The following SLC13A3 variants were observed in gnomAD, a reference collection of about 807,000 sequenced individuals.
SLC13A3 encodes solute carrier family 13 member 3, also known as Na(+)/dicarboxylate cotransporter 3.
Under a neutral mutation model 59.0 loss-of-function variants are expected in SLC13A3, and 40 were observed. That is an observed-to-expected ratio of 0.68 (90% CI 0.53 to 0.88). The LOEUF (loss-of-function observed/expected upper bound fraction) is 0.88. Among genes scored for constraint, SLC13A3 ranks in the 40% least tolerant of loss-of-function variants. The probability of loss-of-function intolerance (pLI) is 0.00; values close to 1 mark genes in which losing one functional copy is unlikely to be tolerated. For synonymous variants in SLC13A3, 317 were observed against 330.3 expected, an observed-to-expected ratio of 0.96 and a Z score of 0.44; for missense variants, 699 against 783.2, an observed-to-expected ratio of 0.89 and a Z score of 1.28.
intron 8 of SLC13A3, among the ~76,000 whole-genome samples, chr20:46,586,628 C>T (rs1219861253): frequency 2.6e-5 from 4 of 152,140 alleles, no homozygotes; most frequent in East Asian, 1.9e-4. Flanking sequence ...ATAAGCCATT[C>T]CCAGCCCCCT....
intron 3 of SLC13A3, among the ~76,000 whole-genome samples, chr20:46,606,532 G>A (rs1466942586): frequency 6.6e-6 from 1 of 152,188 alleles, no homozygotes; most frequent in African/African-American, 2.4e-5. Flanking sequence ...AGGGGAAAGA[G>A]TTTAGATTCA....
In SLC13A3 at chr20:46,592,853, G is replaced by A. The variant is rs150574840; in HGVS notation, c.795-324C>T. Among the ~76,000 whole-genome samples, 23 of 152,332 alleles carry A rather than the reference G, an allele frequency of 1.5e-4. No individual in the cohort carries two copies. The East Asian group carries it at 4.4e-3, about 29-fold the overall frequency. On this transcript the variant is annotated intron_variant, in intron 5 of 12. Transcript: ENST00000279027. ...TTGAAGAGAGCCCTGCTCATTAAAG[G>A]GCTCAGCTGCTATTTGCTTCCCCAT...
rs2061998069 is a variant in SLC13A3 at position 46,568,276 on chromosome 20, T to C, written c.1333-1886A>G. 2.0e-5 allele frequency among the ~76,000 whole-genome samples: 3 copies of C among 151,638 alleles called. No homozygotes were observed. The South Asian group carries it at 6.3e-4, about 32-fold the overall frequency. Reference sequence around the variant, plus strand: ...AGCCAGGCGTGGTGGTGCACGCCTGTAATCCTAGCTACCCAGGAGGCTGAG... The same window carrying C: ...AGCCAGGCGTGGTGGTGCACGCCTGCAATCCTAGCTACCCAGGAGGCTGAG... On this transcript the variant is annotated intron_variant, in intron 10 of 12. Transcript: ENST00000279027.
intron 5 of SLC13A3, among the ~76,000 whole-genome samples, chr20:46,593,475 TAAGC>T (rs1352090752): frequency 1.2e-4 from 18 of 152,304 alleles, no homozygotes; most frequent in Non-Finnish European, 1.0e-4. Context: ...GTATAACAAA[TAAGC>T]AAACAAAAAT....
intron 1 of SLC13A3, among the ~76,000 whole-genome samples, chr20:46,633,990 A>G (rs1222590767): frequency 1.3e-5 from 2 of 152,180 alleles, no homozygotes. Context: ...CGATCCTACC[A>G]TGGTGGTCTA....
rs116718274 is a variant in SLC13A3, at chr20:46,643,075, C to T, written c.111+8236G>A. Among the ~76,000 whole-genome samples, 468 of 152,086 alleles carry T rather than the reference C, an allele frequency of 3.1e-3. 2 individuals carry two copies. The highest frequency in any genetic ancestry group is 0.011 in the African/African-American group (444 of 41,488). ...ACTGGCATTCTTTCTTTCACTTATT[C>T]GAGACATACTTATGAGCACCTACTA... On this transcript the variant is annotated intron_variant, in intron 1 of 12. Transcript: ENST00000279027.
Position 46,598,177 on chromosome 20 carries a change from C to T in SLC13A3, c.608+1794G>A, listed in dbSNP as rs112529323. 4.4e-3 allele frequency among the ~76,000 whole-genome samples: 674 copies of T among 152,260 alleles called. 8 individuals are homozygous for T. The highest frequency in any genetic ancestry group is 0.016 in the African/African-American group (647 of 41,542). On this transcript the variant is annotated intron_variant, in intron 4 of 12. Transcript: ENST00000279027. ...AATTCAAATACCCTCTGGCCTGAAT[C>T]ACTACATAAGGGACTCCTTCCCCAG... is the stretch of plus-strand genomic sequence containing the variant.
chr20:46,606,457 T>A (rs1266593311), intron 3 of SLC13A3, among the ~76,000 whole-genome samples: 1 of 152,202 alleles, frequency 6.6e-6, no homozygotes, highest in East Asian at 1.9e-4. Context: ...AAGGGTGGCA[T>A]CCTGGGCCTT....
At chr20:46,630,110 A>G (rs2062722598) in intron 1 of SLC13A3, among the ~76,000 whole-genome samples, 1 of 152,212 alleles carries the variant, frequency 6.6e-6, no homozygotes, top group Non-Finnish European at 1.5e-5. Flanking sequence ...GACCCAGAAC[A>G]TGCCTCTCCT....
rs572043590 is a variant in SLC13A3, at chr20:46,559,631, A to T, written c.*391T>A. The T allele has an allele frequency of 5.3e-5, 9 of 169,104 alleles. No homozygotes were observed. The highest frequency in any genetic ancestry group is 2.1e-4 in the African/African-American group (9 of 42,206). The allele number at this position is 169,104 out of a possible 1,614,324, so 10.5% of individuals were successfully genotyped here. On this transcript the variant is annotated 3_prime_UTR_variant, in exon 13 of 13. Transcript: ENST00000279027. ...CAAGGTGGTCTCTTCAGTGTAATCG[A>T]AAGTAATCACTGGGGGATAATGTTA...
At position 46,594,140 on chromosome 20, in the gene SLC13A3, C is replaced by A. The variant is rs147864810; in HGVS notation, c.795-1611G>T. On this transcript the variant is annotated intron_variant, in intron 5 of 12. Coordinates refer to ENST00000279027, the MANE Select transcript of SLC13A3 (RefSeq NM_022829.6). ...CTACACCAGAGGGTCTGCATTTGAGCCCTTGTGTTGCATAAGATTTGCATG... is the reference window on the plus strand; with the variant it reads ...CTACACCAGAGGGTCTGCATTTGAGACCTTGTGTTGCATAAGATTTGCATG... 4.6e-4 allele frequency among the ~76,000 whole-genome samples: 70 copies of A among 151,734 alleles called. 2 individuals carry two copies. The East Asian group carries it at 6.2e-3, about 13-fold the overall frequency.
At chr20:46,651,581 A>G (rs1441626024), upstream of SLC13A3, 1 of 1,296,008 alleles carries the variant, frequency 7.7e-7, no homozygotes, top group Non-Finnish European at 9.8e-7. Flanking sequence ...CGCCCCTGGG[A>G]CCGGGTGAAA....
intron 1 of SLC13A3, among the ~76,000 whole-genome samples, chr20:46,639,874 C>A (rs565559587): frequency 2.0e-5 from 3 of 152,344 alleles, no homozygotes; most frequent in South Asian, 2.1e-4. Context: ...GGTCATACTG[C>A]ATGGCTGAGA....
At chr20:46,683,831 C>A (rs1032604414) in intron 1 of SLC13A3, among the ~76,000 whole-genome samples, 4 of 152,214 alleles carry the variant, frequency 2.6e-5, no homozygotes, top group African/African-American at 9.6e-5. Context: ...GCAGTTGGAG[C>A]ATGCTCGCCA....
At chr20:46,566,641 G>C (rs1308948284) in intron 10 of SLC13A3, among the ~76,000 whole-genome samples, 1 of 151,840 alleles carries the variant, frequency 6.6e-6, no homozygotes, top group Non-Finnish European at 1.5e-5. Context: ...CAAACCCCTG[G>C]GTCTCCAATA....
intron 4 of SLC13A3, among the ~76,000 whole-genome samples, chr20:46,596,966 T>G (rs1005878919): frequency 7.2e-5 from 11 of 151,846 alleles, no homozygotes; most frequent in Non-Finnish European, 1.0e-4. Flanking sequence ...GGCAGGAGGG[T>G]TGATTGAGCC....
chr20:46,580,250 C>T (rs2062122361), intron 9 of SLC13A3, among the ~76,000 whole-genome samples: 1 of 152,080 alleles, frequency 6.6e-6, no homozygotes, highest in Admixed American at 6.6e-5. Context: ...GCCACTGCGC[C>T]CAGCCTCTCA....
chr20:46,580,289 T>C (rs563554850), intron 9 of SLC13A3, among the ~76,000 whole-genome samples: 62 of 152,078 alleles, frequency 4.1e-4, no homozygotes, highest in Admixed American at 1.6e-3. Flanking sequence ...AGCTGTTGTC[T>C]CCCTTTGTAT....
At chr20:46,617,875 A>G (rs1307625807) in intron 1 of SLC13A3, among the ~76,000 whole-genome samples, 2 of 152,106 alleles carry the variant, frequency 1.3e-5, no homozygotes, top group African/African-American at 4.8e-5. Context: ...ATTACTTTCT[A>G]TCAAATCTTC....
Sources: allele counts gnomAD v4.1 joint callset (sites outside exome capture counted in the v4.1 genomes callset), GRCh38; gene constraint gnomAD v4.1.1; transcripts MANE v1.5; gene names NCBI Gene and HGNC (gene_info 2026-07-23, HGNC 2026-07-21).